PRKCB: variants seen among roughly 807,000 people sequenced by gnomAD.
PRKCB encodes the protein protein kinase C beta.
In PRKCB, 13 loss-of-function variants were observed where a neutral mutation model predicts 81.5. The ratio of observed to expected loss-of-function variants is 0.16; its 90% confidence interval spans 0.10 to 0.25. The LOEUF is 0.25. Ranked by LOEUF, PRKCB falls within the 10% of genes least tolerant of loss-of-function variation. The pLI, the probability that PRKCB is intolerant of heterozygous loss-of-function variation, is 1.00. For synonymous variants in PRKCB, 335 were observed against 321.4 expected, an observed-to-expected ratio of 1.04 and a Z score of -0.45; for missense variants, 509 against 875.7, an observed-to-expected ratio of 0.58 and a Z score of 5.29.
chr16:23,886,690 G>A (rs1375278955), intron 2 of PRKCB, among the ~76,000 whole-genome samples: 1 of 152,182 alleles, frequency 6.6e-6, no homozygotes, highest in African/African-American at 2.4e-5. Context: ...TGGGATTACA[G>A]GCGTGAGCCA....
intron 9 of PRKCB, among the ~76,000 whole-genome samples, chr16:24,125,865 G>C (rs1223788157): frequency 1.3e-5 from 2 of 152,188 alleles, no homozygotes; most frequent in Non-Finnish European, 2.9e-5. Context: ...TAGAGAGTAA[G>C]GGCAGCCAGT....
At chr16:24,128,051 G>GAAAAC (rs369204846) in intron 9 of PRKCB, among the ~76,000 whole-genome samples, 261 of 151,390 alleles carry the variant, frequency 1.7e-3, no homozygotes, top group African/African-American at 5.5e-3. Context: ...CTTAACCCAG[G>GAAAAC]AAAACAAAAC....
At chr16:23,933,168 C>T (rs1964001825) in intron 2 of PRKCB, among the ~76,000 whole-genome samples, 1 of 152,130 alleles carries the variant, frequency 6.6e-6, no homozygotes, top group Non-Finnish European at 1.5e-5. Flanking sequence ...GGGCACTGGA[C>T]CCAGTTTGGG....
chr16:23,889,037 A>G (rs971718121), intron 2 of PRKCB, among the ~76,000 whole-genome samples: 3 of 152,032 alleles, frequency 2.0e-5, no homozygotes, highest in African/African-American at 7.2e-5. Flanking sequence ...ATTCGACATG[A>G]CTGATCATTC....
chr16:24,103,210 C>T (rs1354351420), intron 7 of PRKCB, among the ~76,000 whole-genome samples: 1 of 152,172 alleles, frequency 6.6e-6, no homozygotes, highest in African/African-American at 2.4e-5. Flanking sequence ...ATAAATGTTT[C>T]CTCTGAGTTT....
At chr16:24,172,944 T>C (rs1262356328) in intron 11 of PRKCB, among the ~76,000 whole-genome samples, 2 of 152,134 alleles carry the variant, frequency 1.3e-5, no homozygotes, top group Non-Finnish European at 1.5e-5. Flanking sequence ...TGAGAATAAC[T>C]CTGGGAGGGA....
chr16:23,879,437 A>G (rs1306893024), intron 2 of PRKCB, among the ~76,000 whole-genome samples: 1 of 150,206 alleles, frequency 6.7e-6, no homozygotes, highest in Non-Finnish European at 1.5e-5. Flanking sequence ...AACAGATGTC[A>G]TAGTAATCTG....
intron 4 of PRKCB, among the ~76,000 whole-genome samples, chr16:24,033,295 G>A (rs1965571296): frequency 6.6e-6 from 1 of 152,170 alleles, no homozygotes; most frequent in Non-Finnish European, 1.5e-5. Flanking sequence ...GGTGAATAAG[G>A]GTGGTAGGGA....
chr16:23,990,274 T>C (rs1364320889), intron 3 of PRKCB, among the ~76,000 whole-genome samples: 1 of 151,770 alleles, frequency 6.6e-6, no homozygotes, highest in East Asian at 1.9e-4. Context: ...CTGGCTAACA[T>C]GGTGAAACCC....
intron 2 of PRKCB, 126 bp from the exon 3 acceptor site, chr16:23,988,382 A>G (rs1964828382): frequency 4.3e-6 from 3 of 693,022 alleles, no homozygotes; most frequent in Non-Finnish European, 7.4e-6. Context: ...ATTATTGTTT[A>G]TTTTGGCATA....
chr16:24,121,915 T>A (rs1278539596), intron 8 of PRKCB, among the ~76,000 whole-genome samples: 1 of 152,204 alleles, frequency 6.6e-6, no homozygotes, highest in Non-Finnish European at 1.5e-5. Context: ...AATCACCAAA[T>A]GCAAATTAAG....
In PRKCB at chr16:24,194,878, C is replaced by T. The variant is rs536403741; in HGVS notation, c.1863+3648C>T. Among the ~76,000 whole-genome samples, 6 of 152,272 alleles carry T rather than the reference C, an allele frequency of 3.9e-5. No individual in the cohort carries two copies. In the South Asian group the frequency reaches 8.3e-4, roughly 21 times the overall value. On this transcript the variant is annotated intron_variant, in intron 16 of 16. Transcript: ENST00000643927. ...GCTCTAAAGGAGCAGGTGCTACCTT[C>T]AGTCTCCTTAGACTGAATTAGAAAT...
At position 24,118,373 on chromosome 16, in the gene PRKCB, C is replaced by T. The variant is rs531127658; in HGVS notation, c.918+5304C>T. The stretch of plus-strand genomic sequence containing the variant: ...ATGGTGGTTGTTATAATTATTGTCT[C>T]CCCCTTCGGGATAAATAAAGCTCAG... On this transcript the variant is annotated intron_variant, in intron 8 of 16. Coordinates refer to ENST00000643927, the MANE Select transcript of PRKCB (RefSeq NM_002738.7). Among the ~76,000 whole-genome samples, 341 of 152,358 alleles carry T rather than the reference C, an allele frequency of 2.2e-3. 1 individual carries two copies. Among genetic ancestry groups the T allele is most frequent in the African/African-American group, 7.9e-3 (327 of 41,588 alleles).
intron 2 of PRKCB, among the ~76,000 whole-genome samples, chr16:23,898,459 A>T (rs531196682): frequency 6.6e-6 from 1 of 152,246 alleles, no homozygotes; most frequent in South Asian, 2.1e-4. Flanking sequence ...CTCCCATCAT[A>T]GAGCTTGCCA....
At chr16:23,949,865 G>A (rs554063625) in intron 2 of PRKCB, among the ~76,000 whole-genome samples, 1 of 152,274 alleles carries the variant, frequency 6.6e-6, no homozygotes, top group African/African-American at 2.4e-5. Context: ...AGGTCTCACA[G>A]GTAGGCTGGG....
chr16:23,990,457 CGAAAAAAAA>C (rs1555489057), intron 3 of PRKCB, among the ~76,000 whole-genome samples: 1 of 138,450 alleles, frequency 7.2e-6, no homozygotes, highest in Admixed American at 7.3e-5. Flanking sequence ...GACTCTGTCT[CGAAAAAAAA>C]GAAAAAAAAG....
At chr16:23,865,555 GTGTGTGTGTGTGTGTA>G (rs376390861) in intron 2 of PRKCB, among the ~76,000 whole-genome samples, 26,748 of 59,060 alleles carry the variant, frequency 0.45, 7,419 homozygotes, top group East Asian at 0.68. Flanking sequence ...GTGTGTGTGT[GTGTGTGTGTGTGTGTA>G]TATGTATATT....
chr16:24,216,604 T>C lies in PRKCB; in HGVS notation c.*1788T>C, dbSNP rs545670795. The C allele has an allele frequency of 6.1e-6, 6 of 985,384 alleles. No homozygotes were observed. The highest frequency in any genetic ancestry group is 5.2e-5 in the African/African-American group (3 of 57,316). The allele number at this position is 985,384 out of a possible 1,614,324, so 61.0% of individuals were successfully genotyped here. The stretch of plus-strand genomic sequence containing the variant: ...GCCTCATCTTTAGGGAAAAATGGGG[T>C]TTGGATTTCTGCTTAGGCAAAGTCT... On this transcript the variant is annotated 3_prime_UTR_variant, in exon 17 of 17. Transcript: ENST00000643927.
chr16:24,194,972 G>A (rs376505976), intron 16 of PRKCB, among the ~76,000 whole-genome samples: 27 of 152,270 alleles, frequency 1.8e-4, no homozygotes, highest in African/African-American at 6.5e-4. Flanking sequence ...GGAAGGCTGA[G>A]GCAGGCAAAT....
Sources: gnomAD v4.1 joint callset for allele counts (sites outside exome capture counted in the v4.1 genomes callset) on GRCh38, gnomAD v4.1.1 for gene constraint, MANE v1.5 for transcripts, NCBI Gene and HGNC (gene_info 2026-07-23, HGNC 2026-07-21) for gene names.